The following RNASE9 variants were observed in gnomAD, a reference collection of about 807,000 sequenced individuals.
RNASE9 encodes ribonuclease A family member 9 (inactive).
For missense variants in RNASE9, 263 were observed against 247.1 expected, an observed-to-expected ratio of 1.06 and a Z score of -0.43; for synonymous variants, 95 against 87.6, an observed-to-expected ratio of 1.08 and a Z score of -0.47.
chr14:20,559,035 G>C (rs1243646), intron 2 of RNASE9, among the ~76,000 whole-genome samples: 114,464 of 151,952 alleles, frequency 0.75, 44,025 homozygotes, highest in African/African-American at 0.83. Context: ...TTAAAAGCTA[G>C]TTTCTATATT....
chr14:20,558,488 T>A lies in RNASE9; in HGVS notation c.-1419A>T, dbSNP rs1222248099. 14 of 1,312,666 alleles carry A rather than the reference T, an allele frequency of 1.1e-5. No homozygotes were observed. In the Admixed American group the frequency reaches 1.6e-4, roughly 15 times the overall value. 81.3% of individuals were successfully genotyped at this position (1,312,666 alleles called of 1,614,324 possible). A position where few individuals can be genotyped will look rare whatever the true frequency, so the allele number is the denominator to read the frequency against. Reference sequence around the variant, plus strand: ...GAATGGGCACTCTGGGGCGGCCATGTGCCACACTGTCCCTCCCCTCCCTGC... The same window carrying A: ...GAATGGGCACTCTGGGGCGGCCATGAGCCACACTGTCCCTCCCCTCCCTGC... On this transcript the variant is annotated 5_prime_UTR_variant, in exon 3 of 3. Coordinates refer to ENST00000555230, the Ensembl canonical transcript of RNASE9.
chr14:20,558,411 G>T lies in RNASE9; in HGVS notation c.-1342C>A, dbSNP rs566265586. On this transcript the variant is annotated 5_prime_UTR_variant, in exon 3 of 3. Transcript: ENST00000555230. Reference sequence around the variant, plus strand: ...GTAGAGACAGGAAAGTTGAGCATAGGAGTGCAGAGAATGGGAAAGAAAAGA... The same window carrying T: ...GTAGAGACAGGAAAGTTGAGCATAGTAGTGCAGAGAATGGGAAAGAAAAGA... The T allele has an allele frequency of 1.7e-4, 120 of 716,372 alleles. 1 individual carries two copies. The East Asian group carries it at 2.2e-3, about 13-fold the overall frequency. 44.4% of individuals were successfully genotyped at this position (716,372 alleles called of 1,614,324 possible).
rs1289494242 is a variant in RNASE9, at chr14:20,558,584, A to G, written c.-1515T>C. On this transcript the variant is annotated 5_prime_UTR_variant, in exon 3 of 3. Coordinates refer to ENST00000555230, the Ensembl canonical transcript of RNASE9. ...GAAGTCTCTTCAAAAGAGTGATCCCATGGTGACAGGTCAGAGAGCTCGGAA... is the reference window on the plus strand; with the variant it reads ...GAAGTCTCTTCAAAAGAGTGATCCCGTGGTGACAGGTCAGAGAGCTCGGAA... 1.9e-6 allele frequency: 3 copies of G among 1,551,188 alleles called. No homozygotes were observed. The African/African-American group carries it at 4.1e-5, about 21-fold the overall frequency.
rs760852587 is a variant in RNASE9, at chr14:20,556,743, A to G, written c.327T>C (p.Tyr109=). Reference sequence around the variant, plus strand: ...TGTAACAGATTTTTTGGAGCTCGTCATATTGCATAAGAAGGAAGTAATGTT... The same window carrying G: ...TGTAACAGATTTTTTGGAGCTCGTCGTATTGCATAAGAAGGAAGTAATGTT... Residue 109 remains tyrosine (Y), a synonymous_variant, in exon 3 of 3, where the codon TAT becomes TAC. Coordinates refer to ENST00000555230, the Ensembl canonical transcript of RNASE9. 2.4e-5 allele frequency: 39 copies of G among 1,613,940 alleles called. No individual in the cohort carries two copies. In the East Asian group the frequency reaches 7.4e-4, roughly 30 times the overall value.
exon 3 of RNASE9, chr14:20,557,004 C>A: frequency 6.2e-7 from 1 of 1,613,998 alleles, no homozygotes; most frequent in Non-Finnish European, 8.5e-7. Flanking sequence ...ACTGCACCAG[C>A]TGCAGCAGCT....
chr14:20,556,346 G>T, exon 3 of RNASE9: 1 of 802,298 alleles, frequency 1.2e-6, no homozygotes, highest in Non-Finnish European at 2.0e-6. Context: ...AGGAAGGTGG[G>T]TGATTAAAGT....
At chr14:20,556,344 G>A in exon 3 of RNASE9, 2 of 781,008 alleles carry the variant, frequency 2.6e-6, no homozygotes, top group South Asian at 1.8e-5. Flanking sequence ...AAAGGAAGGT[G>A]GGTGATTAAA....
rs1168126467 is a variant in RNASE9, at chr14:20,556,257, C to A, written c.*195G>T. 3 of 530,942 alleles carry A rather than the reference C, an allele frequency of 5.7e-6. No individual in the cohort carries two copies. In the African/African-American group the frequency reaches 5.7e-5, roughly 10 times the overall value. 32.9% of individuals were successfully genotyped at this position (530,942 alleles called of 1,614,324 possible). A position where few individuals can be genotyped will look rare whatever the true frequency, so the allele number is the denominator to read the frequency against. The stretch of plus-strand genomic sequence containing the variant: ...ATTCAAGGCATGCTAACTTAGGGGA[C>A]CTGCATGAGACCACATCTCAGAGCA... On this transcript the variant is annotated 3_prime_UTR_variant, in exon 3 of 3. Transcript: ENST00000555230.
chr14:20,557,740 A>C (rs573971094), exon 3 of RNASE9: 1 of 152,722 alleles, frequency 6.5e-6, no homozygotes, highest in East Asian at 1.9e-4. Context: ...ATGAGGAGTT[A>C]AGTGCCAAGC....
At chr14:20,558,274 A>G in exon 3 of RNASE9, 1 of 563,722 alleles carries the variant, frequency 1.8e-6, no homozygotes, top group Non-Finnish European at 3.2e-6. Flanking sequence ...TCAGTGATGG[A>G]GATGGACAGC....
exon 3 of RNASE9, chr14:20,557,233 CT>C: frequency 2.8e-6 from 2 of 701,868 alleles, no homozygotes; most frequent in Non-Finnish European, 4.6e-6. Context: ...CTGAATACTT[CT>C]AAATTATTGA....
chr14:20,556,545 T>C (rs1387897951), exon 3 of RNASE9: 26 of 1,613,966 alleles, frequency 1.6e-5, no homozygotes, highest in Non-Finnish European at 2.2e-5. Context: ...GAATACGTTT[T>C]TGCATTTCAT....
chr14:20,560,926 T>C (rs1242377107), exon 1 of RNASE9: 1 of 152,112 alleles, frequency 6.6e-6, no homozygotes, highest in Admixed American at 6.6e-5. Flanking sequence ...GTCCAAGAGG[T>C]AGAGCAGGAG....
At chr14:20,556,961 C>G in exon 3 of RNASE9, 3 of 1,614,076 alleles carry the variant, frequency 1.9e-6, no homozygotes, top group Non-Finnish European at 2.5e-6. Flanking sequence ...TTATCTTCTT[C>G]TGGGAAATCA....
intron 2 of RNASE9, among the ~76,000 whole-genome samples, chr14:20,559,123 G>GTT (rs36119373): frequency 5.6e-5 from 8 of 144,012 alleles, no homozygotes; most frequent in South Asian, 2.2e-4. Flanking sequence ...TCATTTTACT[G>GTT]TTTTTTTTTT....
chr14:20,556,658 C>G, exon 3 of RNASE9: 1 of 1,613,060 alleles, frequency 6.2e-7, no homozygotes, highest in South Asian at 1.1e-5. Flanking sequence ...TACACTCCTT[C>G]TACAAGACCT....
exon 3 of RNASE9, chr14:20,558,597 A>G: frequency 6.4e-7 from 1 of 1,550,938 alleles, no homozygotes; most frequent in Non-Finnish European, 8.7e-7. Flanking sequence ...GTGACAGGTC[A>G]GAGAGCTCGG....
At chr14:20,560,056 T>C (rs1256987973) in intron 1 of RNASE9, among the ~76,000 whole-genome samples, 2 of 152,100 alleles carry the variant, frequency 1.3e-5, no homozygotes, top group Non-Finnish European at 2.9e-5. Context: ...AAGAAGTTTA[T>C]AGTAAAAAGA....
At chr14:20,557,140 G>A (rs928230227) in exon 3 of RNASE9, 5 of 1,498,114 alleles carry the variant, frequency 3.3e-6, no homozygotes, top group African/African-American at 1.4e-5. Flanking sequence ...TCCATTTCCT[G>A]TGTGGGGCAC....
Sources: gnomAD v4.1 joint callset for allele counts (sites outside exome capture counted in the v4.1 genomes callset) on GRCh38, gnomAD v4.1.1 for gene constraint, MANE v1.5 for transcripts, NCBI Gene and HGNC (gene_info 2026-07-23, HGNC 2026-07-21) for gene names.